The following VAV3 variants were observed in gnomAD, a reference collection of about 807,000 sequenced individuals.
VAV3 encodes guanine nucleotide exchange factor VAV3.
Under a neutral mutation model 131.2 loss-of-function variants are expected in VAV3, and 94 were observed. That is an observed-to-expected ratio of 0.72 (90% CI 0.61 to 0.85). The LOEUF is 0.85. Ranked by LOEUF, VAV3 falls within the 40% of genes least tolerant of loss-of-function variation. The pLI is 0.00. For missense variants in VAV3, 939 were observed against 1,002.7 expected (o/e 0.94, Z 0.86); for synonymous variants, 349 against 342.0 (o/e 1.02, Z -0.22).
intron 9 of VAV3, among the ~76,000 whole-genome samples, chr1:107,761,804 T>A (rs1664450616): frequency 6.6e-6 from 1 of 152,220 alleles, no homozygotes; most frequent in Admixed American, 6.5e-5. Context: ...AGTATTTGCT[T>A]AATAAGTATT....
chr1:107,602,865 A>G (rs1651975529), intron 23 of VAV3, among the ~76,000 whole-genome samples, 182 bp downstream of exon 23: 1 of 152,226 alleles, frequency 6.6e-6, no homozygotes, highest in Non-Finnish European at 1.5e-5. Flanking sequence ...TTAGCAACCT[A>G]TAACACTTTT....
rs372816729 is a variant in VAV3 at position 107,716,366 on chromosome 1, G to A, written c.1503-11305C>T. On this transcript the variant is annotated intron_variant, in intron 15 of 26. Transcript: ENST00000370056. ...TGGTGGGCCAGGTGTGGTGGCTCAC[G>A]CCTGTAATCCCAGCACTTTGGGAGG... is the stretch of plus-strand genomic sequence containing the variant. Among the ~76,000 whole-genome samples, 12 of 152,278 alleles carry A rather than the reference G, an allele frequency of 7.9e-5. No individual in the cohort carries two copies. The East Asian group carries it at 9.7e-4, about 12-fold the overall frequency.
rs972778498 is a variant in VAV3 at position 107,813,861 on chromosome 1, G to A, written c.322-34369C>T. ...ATAATAGGGAGAACATGTGATATTT[G>A]TCTTTCTGTGCCTGAGTTATTGCAC... On this transcript the variant is annotated intron_variant, in intron 2 of 26. Coordinates refer to ENST00000370056, the MANE Select transcript of VAV3 (RefSeq NM_006113.5). Among the ~76,000 whole-genome samples, 4 of 152,006 alleles carry A rather than the reference G, an allele frequency of 2.6e-5. No individual in the cohort carries two copies. The East Asian group carries it at 7.7e-4, about 29-fold the overall frequency.
chr1:107,796,538 C>T (rs894843589), intron 2 of VAV3, among the ~76,000 whole-genome samples: 1 of 151,808 alleles, frequency 6.6e-6, no homozygotes, highest in Non-Finnish European at 1.5e-5. Flanking sequence ...ATATTTTTTC[C>T]TACTAAAATG....
At position 107,602,408 on chromosome 1, in the gene VAV3, T is replaced by C; in HGVS notation, c.2209A>G (p.Lys737Glu). 3.8e-6 allele frequency: 6 copies of C among 1,566,892 alleles called. No homozygotes were observed. The highest frequency in any genetic ancestry group is 5.2e-6 in the Non-Finnish European group (6 of 1,162,410). The change falls in exon 24 of 27, where the codon AAA becomes GAA. Residue 737 changes from lysine (K) to glutamate (E), a missense_variant. Lys to Glu is a moderately conservative substitution (Grantham distance 56, BLOSUM62 1). Coordinates refer to ENST00000370056, the MANE Select transcript of VAV3 (RefSeq NM_006113.5). ...FFHIAENRKF[K>E]SLMELVEYYK... ...TAATCAATGCTTACCATTAAACTTT[T>C]AAATTTTCTATTTTCTGCAATGTGA...
chr1:107,596,790 T>C (rs1439981901), intron 24 of VAV3, among the ~76,000 whole-genome samples: 2 of 152,228 alleles, frequency 1.3e-5, no homozygotes, highest in South Asian at 2.1e-4. Flanking sequence ...AACAAACTTA[T>C]GCTTTTTCGT....
intron 15 of VAV3, among the ~76,000 whole-genome samples, chr1:107,733,802 G>C (rs756575596): frequency 1.3e-5 from 2 of 152,198 alleles, no homozygotes; most frequent in Non-Finnish European, 2.9e-5. Flanking sequence ...ATGGAATCAA[G>C]CTGGAAAACA....
At chr1:107,606,343 A>AT (rs1391697180) in intron 22 of VAV3, among the ~76,000 whole-genome samples, 4 of 152,062 alleles carry the variant, frequency 2.6e-5, no homozygotes, top group Non-Finnish European at 5.9e-5. Context: ...ATGTTGCCTG[A>AT]TTTTTTTCTC....
At chr1:107,635,179 A>G (rs1654820438) in intron 20 of VAV3, among the ~76,000 whole-genome samples, 1 of 152,152 alleles carries the variant, frequency 6.6e-6, no homozygotes, top group Non-Finnish European at 1.5e-5. Context: ...ATGTATGTTT[A>G]TTGCATCACT....
intron 25 of VAV3, chr1:107,578,687 C>A: frequency 2.7e-6 from 2 of 727,434 alleles, no homozygotes; most frequent in Non-Finnish European, 3.4e-6. Flanking sequence ...CGGCTCACTG[C>A]AAGCTCCGCC....
chr1:107,787,846 G>C (rs1422549399), intron 2 of VAV3, among the ~76,000 whole-genome samples: 1 of 152,068 alleles, frequency 6.6e-6, no homozygotes, highest in Non-Finnish European at 1.5e-5. Flanking sequence ...GCACCACTAT[G>C]GTCCTGCCGT....
chr1:107,915,412 C>A (rs1374962752), intron 1 of VAV3, among the ~76,000 whole-genome samples: 1 of 152,126 alleles, frequency 6.6e-6, no homozygotes, highest in African/African-American at 2.4e-5. Flanking sequence ...TTATGACTAT[C>A]ACCCCCATGT....
At chr1:107,871,153 T>C (rs186419378) in intron 2 of VAV3, among the ~76,000 whole-genome samples, 4 of 152,174 alleles carry the variant, frequency 2.6e-5, no homozygotes, top group Non-Finnish European at 5.9e-5. Context: ...AAAAATAATA[T>C]AGTAATTTCT....
chr1:107,919,445 T>C (rs1181581900), intron 1 of VAV3, among the ~76,000 whole-genome samples: 2 of 152,224 alleles, frequency 1.3e-5, no homozygotes, highest in Non-Finnish European at 2.9e-5. Flanking sequence ...AACTGGAAAG[T>C]TGTCTAAAAC....
At chr1:107,840,446 A>G (rs933870492) in intron 2 of VAV3, among the ~76,000 whole-genome samples, 1 of 152,224 alleles carries the variant, frequency 6.6e-6, no homozygotes, top group African/African-American at 2.4e-5. Context: ...CTTATTCTAG[A>G]CAGTCCCTGC....
At chr1:107,884,964 A>G (rs1410721332) in intron 1 of VAV3, among the ~76,000 whole-genome samples, 2 of 152,188 alleles carry the variant, frequency 1.3e-5, no homozygotes, top group African/African-American at 4.8e-5. Context: ...TAATGTCAGC[A>G]GTAAAAATAA....
At chr1:107,859,414 A>G (rs1419308354) in intron 2 of VAV3, among the ~76,000 whole-genome samples, 1 of 152,168 alleles carries the variant, frequency 6.6e-6, no homozygotes, top group Non-Finnish European at 1.5e-5. Context: ...TTTAGGATCT[A>G]TTTATCTAAA....
intron 4 of VAV3, among the ~76,000 whole-genome samples, chr1:107,774,272 G>T (rs1363146314): frequency 6.6e-6 from 1 of 152,072 alleles, no homozygotes; most frequent in Non-Finnish European, 1.5e-5. Flanking sequence ...TCACCATGTT[G>T]GCCAGGCTGG....
chr1:107,821,883 C>T (rs1667806271), intron 2 of VAV3, among the ~76,000 whole-genome samples: 1 of 152,182 alleles, frequency 6.6e-6, no homozygotes, highest in Non-Finnish European at 1.5e-5. Flanking sequence ...TGATTTATTC[C>T]AAAGCTATCT....
Sources: allele counts gnomAD v4.1 joint callset (sites outside exome capture counted in the v4.1 genomes callset), GRCh38; gene constraint gnomAD v4.1.1; transcripts MANE v1.5; gene names NCBI Gene and HGNC (gene_info 2026-07-23, HGNC 2026-07-21).